Variants in SGIP1 observed in about 807,000 individuals in gnomAD.
SGIP1 encodes SH3GL interacting endocytic adaptor 1.
Under a neutral mutation model 107.5 loss-of-function variants are expected in SGIP1, and 38 were observed. That is an observed-to-expected ratio of 0.35 (90% CI 0.27 to 0.46). The LOEUF is 0.46. Ranked by LOEUF, SGIP1 falls within the 20% of genes least tolerant of loss-of-function variation. SGIP1 has a pLI of 1.00. For missense variants in SGIP1, 929 were observed against 1,019.5 expected (o/e 0.91, Z 1.21); for synonymous variants, 365 against 366.1 (o/e 1.00, Z 0.03).
intron 16 of SGIP1, 135 bp downstream of exon 16, chr1:66,689,410 G>A: frequency 8.8e-7 from 1 of 1,131,180 alleles, no homozygotes; most frequent in Non-Finnish European, 1.2e-6. Context: ...GACAGTCACT[G>A]CGGTATGAGT....
At chr1:66,595,541 C>G (rs11811921) in intron 1 of SGIP1, among the ~76,000 whole-genome samples, 7,732 of 152,242 alleles carry the variant, frequency 0.051, 603 homozygotes, top group African/African-American at 0.17. Flanking sequence ...CACAACCTCA[C>G]AAAACATGAG....
At chr1:66,656,688 C>G (rs907457396) in intron 7 of SGIP1, among the ~76,000 whole-genome samples, 2 of 152,168 alleles carry the variant, frequency 1.3e-5, no homozygotes, top group African/African-American at 4.8e-5. Flanking sequence ...CCCATTGGAG[C>G]TTTTATGGCC....
chr1:66,593,730 A>G (rs1295813710), intron 1 of SGIP1, among the ~76,000 whole-genome samples: 2 of 152,142 alleles, frequency 1.3e-5, no homozygotes, highest in Non-Finnish European at 2.9e-5. Flanking sequence ...CATGATCTTC[A>G]TGTATTCCAG....
chr1:66,673,282 A>C lies in SGIP1; in HGVS notation c.562A>C (p.Lys188Gln). The change falls in exon 12 of 25, where the codon AAA becomes CAA. Residue 188 changes from lysine to glutamine, a missense_variant and splice_region_variant. This residue lies in a region of SGIP1 where 588 missense variants were observed against 588.6 expected (regional missense o/e 1.00). Transcript: ENST00000371037. ...TTTGCCTTAATGTGTGTGATTTAGC[A>C]AAAAGCCTCCAGATGACACTACGGC... ...RSTPTPELIS[K>Q]KPPDDTTALA... 6.2e-7 allele frequency: 1 copy of C among 1,613,954 alleles called. No homozygotes were observed. The highest frequency in any genetic ancestry group is 1.1e-5 in the South Asian group (1 of 91,052).
At chr1:66,583,821 G>T (rs141965111) in intron 1 of SGIP1, among the ~76,000 whole-genome samples, 1 of 152,096 alleles carries the variant, frequency 6.6e-6, no homozygotes, top group Non-Finnish European at 1.5e-5. Flanking sequence ...CTTTGATGCC[G>T]TCTCTCCTAG....
At chr1:66,597,551 T>C (rs1272024122) in intron 1 of SGIP1, among the ~76,000 whole-genome samples, 4 of 152,192 alleles carry the variant, frequency 2.6e-5, no homozygotes, top group Non-Finnish European at 5.9e-5. Flanking sequence ...CAAGTATGTT[T>C]CCACTTAGCC....
At chr1:66,676,579 G>A (rs139677621) in intron 12 of SGIP1, among the ~76,000 whole-genome samples, 93 of 152,130 alleles carry the variant, frequency 6.1e-4, no homozygotes, top group Non-Finnish European at 9.4e-4. Context: ...TAGAATGCAG[G>A]CGTTTTCAGT....
At chr1:66,579,554 A>G (rs1160675) in intron 1 of SGIP1, among the ~76,000 whole-genome samples, 52,344 of 152,058 alleles carry the variant, frequency 0.34, 9,854 homozygotes, top group African/African-American at 0.5. Context: ...ATATTGTCCT[A>G]GTTCATTAGA....
intron 11 of SGIP1, 117 bp from the exon 12 acceptor site, chr1:66,673,164 C>T (rs2084259677): frequency 1.0e-6 from 1 of 970,248 alleles, no homozygotes; most frequent in Non-Finnish European, 1.7e-6. Context: ...TGCATGCATG[C>T]ACTGGTGCAC....
intron 18 of SGIP1, among the ~76,000 whole-genome samples, chr1:66,718,381 C>T (rs987498136): frequency 8.0e-5 from 12 of 149,144 alleles, no homozygotes; most frequent in Non-Finnish European, 1.8e-4. Flanking sequence ...CAAAATGATA[C>T]AGGAAACTGT....
chr1:66,748,302 T>G lies in SGIP1; in HGVS notation c.*5207T>G, dbSNP rs2094580259. 1.3e-5 allele frequency: 2 copies of G among 152,014 alleles called. No homozygotes were observed. The highest frequency in any genetic ancestry group is 2.9e-5 in the Non-Finnish European group (2 of 67,860). 9.4% of individuals were successfully genotyped at this position (152,014 alleles called of 1,614,324 possible). On this transcript the variant is annotated 3_prime_UTR_variant, in exon 25 of 25. Coordinates refer to ENST00000371037, the MANE Select transcript of SGIP1 (RefSeq NM_032291.4). ...AATATTAAAAACAACAACAAAACAC[T>G]TGCCTTTCTCTTGTGTCATTGCTTC...
At chr1:66,585,649 TG>T (rs1264363225) in intron 1 of SGIP1, among the ~76,000 whole-genome samples, 2 of 151,946 alleles carry the variant, frequency 1.3e-5, no homozygotes, top group Non-Finnish European at 1.5e-5. Flanking sequence ...TGTGGTTTTT[TG>T]TTTTGTTTTG....
rs1381734409 is a variant in SGIP1 at position 66,631,040 on chromosome 1, AAAGG to A, written c.75-2026_75-2023del. ...AGGGAAAGGAAAGGAAGGAAGGAAGAAAGGAAGAAAGAAAGAAAGAAAGAAAGAA... is the reference window on the plus strand; with the variant it reads ...AGGGAAAGGAAAGGAAGGAAGGAAGAAAGAAAGAAAGAAAGAAAGAAAGAA... On this transcript the variant is annotated intron_variant, in intron 2 of 24. Coordinates refer to ENST00000371037, the MANE Select transcript of SGIP1 (RefSeq NM_032291.4). Among the ~76,000 whole-genome samples the A allele has an allele frequency of 3.7e-3, 408 of 109,192 alleles. 2 individuals carry two copies. The highest frequency in any genetic ancestry group is 0.014 in the African/African-American group (383 of 27,322). The allele number at this position is 109,192 out of a possible 152,430, so 71.6% of individuals were successfully genotyped here. A position where few individuals can be genotyped will look rare whatever the true frequency, so the allele number is the denominator to read the frequency against.
chr1:66,744,951 C>G lies in SGIP1; in HGVS notation c.*1856C>G, dbSNP rs1002205199. ...CCATGAAACATGGAATTTATGACAC[C>G]AAAATCAATGGAGAGTAAGCAGCAG... On this transcript the variant is annotated 3_prime_UTR_variant, in exon 25 of 25. Coordinates refer to ENST00000371037, the MANE Select transcript of SGIP1 (RefSeq NM_032291.4). The G allele has an allele frequency of 5.3e-5, 8 of 152,312 alleles. No individual in the cohort carries two copies. In the South Asian group the frequency reaches 8.3e-4, roughly 16 times the overall value. 9.4% of individuals were successfully genotyped at this position (152,312 alleles called of 1,614,324 possible).
chr1:66,640,929 G>A (rs2076674601), intron 5 of SGIP1, among the ~76,000 whole-genome samples: 1 of 152,090 alleles, frequency 6.6e-6, no homozygotes, highest in Admixed American at 6.6e-5. Flanking sequence ...GCCAAATATG[G>A]GAGGCTGAGG....
chr1:66,650,894 A>T (rs2078628307), intron 7 of SGIP1, among the ~76,000 whole-genome samples: 1 of 152,180 alleles, frequency 6.6e-6, no homozygotes, highest in Admixed American at 6.5e-5. Context: ...ACTGATTAAG[A>T]TACTGTGCTC....
chr1:66,569,837 G>T (rs1213210379), intron 1 of SGIP1, among the ~76,000 whole-genome samples: 2 of 151,780 alleles, frequency 1.3e-5, no homozygotes, highest in Non-Finnish European at 2.9e-5. Context: ...ACTAATCAAT[G>T]AATCCATCCA....
chr1:66,689,303 C>G (rs766495497), intron 16 of SGIP1, 28 bp downstream of exon 16: 26 of 1,604,600 alleles, frequency 1.6e-5, no homozygotes, highest in Non-Finnish European at 2.1e-5. Flanking sequence ...CTGGCTTGCT[C>G]AGAAACAGTG....
intron 13 of SGIP1, 148 bp from the exon 14 acceptor site, chr1:66,679,530 T>C: frequency 1.3e-6 from 1 of 799,278 alleles, no homozygotes; most frequent in Non-Finnish European, 2.0e-6. Context: ...TTCTTTGGCT[T>C]TGAACTTCAA....
Sources: gnomAD v4.1 joint callset for allele counts (sites outside exome capture counted in the v4.1 genomes callset) on GRCh38, gnomAD v4.1.1 for gene constraint, gnomAD v4.1.1 regional missense constraint, MANE v1.5 for transcripts, NCBI Gene and HGNC (gene_info 2026-07-23, HGNC 2026-07-21) for gene names.